HHAT: variants seen among roughly 807,000 people sequenced by gnomAD.
HHAT encodes the protein hedgehog acyltransferase, also known as protein-cysteine N-palmitoyltransferase HHAT.
In HHAT, 47 loss-of-function variants were observed where a neutral mutation model predicts 70.8. The observed-to-expected ratio is 0.66, with a 90% CI of 0.53 to 0.85. HHAT has a LOEUF of 0.85. Ranked by LOEUF, HHAT falls within the 40% of genes least tolerant of loss-of-function variation. The pLI, the probability that HHAT is intolerant of heterozygous loss-of-function variation, is 0.00. For missense variants in HHAT, 609 were observed against 604.8 expected (o/e 1.01, Z -0.07); for synonymous variants, 228 against 247.6 (o/e 0.92, Z 0.74).
At chr1:210,541,731 A>C (rs2095433036) in intron 9 of HHAT, among the ~76,000 whole-genome samples, 1 of 152,170 alleles carries the variant, frequency 6.6e-6, no homozygotes, top group African/African-American at 2.4e-5. Context: ...CATCTCAAAA[A>C]ACAAACAAAA....
chr1:210,668,194 G>T (rs368562869), intron 11 of HHAT, among the ~76,000 whole-genome samples: 4 of 152,234 alleles, frequency 2.6e-5, no homozygotes, highest in Non-Finnish European at 1.5e-5. Context: ...ACCATGTTCT[G>T]CTTATCCATT....
chr1:210,535,348 T>C (rs12029929), intron 9 of HHAT, among the ~76,000 whole-genome samples: 9,647 of 152,188 alleles, frequency 0.063, 600 homozygotes, highest in East Asian at 0.29. Flanking sequence ...CTGTACAGTA[T>C]TGTAAGGTTG....
chr1:210,633,457 G>A (rs539882342), intron 11 of HHAT, among the ~76,000 whole-genome samples: 1 of 152,346 alleles, frequency 6.6e-6, no homozygotes, highest in African/African-American at 2.4e-5. Context: ...GGTTCCTGGA[G>A]AGCCATTGTC....
intron 7 of HHAT, among the ~76,000 whole-genome samples, chr1:210,425,325 T>C (rs985523997): frequency 2.0e-5 from 3 of 152,226 alleles, no homozygotes; most frequent in Non-Finnish European, 2.9e-5. Flanking sequence ...ATAGTTTGTT[T>C]TGCTGTGCAG....
At chr1:210,349,652 C>CTTT (rs34752131) in intron 2 of HHAT, among the ~76,000 whole-genome samples, 16,443 of 135,736 alleles carry the variant, frequency 0.12, 1,296 homozygotes, top group Admixed American at 0.16. Context: ...CTACCTAAAA[C>CTTT]TTTTTTTTTT....
intron 2 of HHAT, 105 bp from the exon 3 acceptor site, chr1:210,362,747 G>A: frequency 1.1e-6 from 1 of 880,100 alleles, no homozygotes. Context: ...TAGTCCACTG[G>A]CTGCTTTTCC....
intron 11 of HHAT, among the ~76,000 whole-genome samples, chr1:210,647,826 C>A (rs114550224): frequency 0.018 from 2,810 of 152,300 alleles, 48 homozygotes; most frequent in Middle Eastern, 0.031. Context: ...AAATCATTTA[C>A]TTAAAATGCT....
intron 3 of HHAT, among the ~76,000 whole-genome samples, chr1:210,384,051 G>A (rs1401062352): frequency 6.6e-6 from 1 of 152,116 alleles, no homozygotes; most frequent in Non-Finnish European, 1.5e-5. Flanking sequence ...CTCTGCTGTG[G>A]GTAGGAAAAG....
chr1:210,536,058 T>C (rs1309524340), intron 9 of HHAT, among the ~76,000 whole-genome samples: 1 of 152,250 alleles, frequency 6.6e-6, no homozygotes, highest in Non-Finnish European at 1.5e-5. Context: ...AGAGTGCTAA[T>C]GACCAACTGA....
intron 8 of HHAT, among the ~76,000 whole-genome samples, chr1:210,473,551 T>A (rs558309494): frequency 6.6e-6 from 1 of 152,168 alleles, no homozygotes; most frequent in East Asian, 1.9e-4. Flanking sequence ...GTGAATGGTG[T>A]GGGGCCACTG....
intron 9 of HHAT, among the ~76,000 whole-genome samples, chr1:210,554,366 G>T (rs543391530): frequency 6.6e-6 from 1 of 152,292 alleles, no homozygotes; most frequent in South Asian, 2.1e-4. Context: ...GGCTTTTGAA[G>T]ATGAACTTTG....
chr1:210,520,240 C>G (rs543324252), intron 9 of HHAT, among the ~76,000 whole-genome samples: 1 of 152,250 alleles, frequency 6.6e-6, no homozygotes, highest in South Asian at 2.1e-4. Context: ...TGGTCTCGAA[C>G]TCCTGACCTC....
chr1:210,374,157 C>G (rs547591011), intron 3 of HHAT: 1 of 152,120 alleles, frequency 6.6e-6, no homozygotes, highest in East Asian at 1.9e-4. Context: ...ACATGATCTG[C>G]CTCCCCAGGG....
intron 9 of HHAT, among the ~76,000 whole-genome samples, chr1:210,554,881 A>T (rs2095558366): frequency 6.6e-6 from 1 of 152,018 alleles, no homozygotes; most frequent in South Asian, 2.1e-4. Context: ...GTGTTTGTTG[A>T]GTGGGTCCCC....
chr1:210,604,670 G>A (rs746470178), intron 10 of HHAT, among the ~76,000 whole-genome samples: 4 of 152,060 alleles, frequency 2.6e-5, no homozygotes, highest in East Asian at 1.9e-4. Context: ...TGAGCAGGAC[G>A]GATTCACCCT....
intron 2 of HHAT, among the ~76,000 whole-genome samples, chr1:210,362,022 A>G (rs2088379221): frequency 6.6e-6 from 1 of 152,042 alleles, no homozygotes; most frequent in South Asian, 2.1e-4. Flanking sequence ...GTCTGGTTCC[A>G]TTTCATTGCT....
rs555449104 is a variant in HHAT, at chr1:210,487,405, A to G, written c.1007+22750A>G. Among the ~76,000 whole-genome samples, 4 of 152,340 alleles carry G rather than the reference A, an allele frequency of 2.6e-5. No individual in the cohort carries two copies. In the South Asian group the frequency reaches 8.3e-4, roughly 32 times the overall value. The stretch of plus-strand genomic sequence containing the variant: ...ACTTGAGCTTCTCCGTGGACTTCAC[A>G]GAGAATGGTCTTCAGAGGTATCCAG... On this transcript the variant is annotated intron_variant, in intron 8 of 11. Transcript: ENST00000261458.
At chr1:210,553,911 A>AT (rs1171425924) in intron 9 of HHAT, among the ~76,000 whole-genome samples, 1 of 152,146 alleles carries the variant, frequency 6.6e-6, no homozygotes, top group Non-Finnish European at 1.5e-5. Context: ...TGGGGCTGAC[A>AT]TATTACTAGA....
chr1:210,332,802 C>A (rs995898244), intron 1 of HHAT, among the ~76,000 whole-genome samples: 1 of 152,160 alleles, frequency 6.6e-6, no homozygotes, highest in African/African-American at 2.4e-5. Flanking sequence ...TTGCAATGAA[C>A]CTGTAATTTG....
Sources: allele counts gnomAD v4.1 joint callset (sites outside exome capture counted in the v4.1 genomes callset), GRCh38; gene constraint gnomAD v4.1.1; transcripts MANE v1.5; gene names NCBI Gene and HGNC (gene_info 2026-07-23, HGNC 2026-07-21).